Variants in NOS1AP observed in about 807,000 individuals in gnomAD.
The protein encoded by NOS1AP is nitric oxide synthase 1 adaptor protein.
In NOS1AP, 21 loss-of-function variants were observed where a neutral mutation model predicts 56.2. The ratio of observed to expected loss-of-function variants is 0.37; its 90% confidence interval spans 0.26 to 0.54. The LOEUF (loss-of-function observed/expected upper bound fraction) is 0.54, where lower values mean the gene tolerates loss of function less well. NOS1AP is among the 20% of genes least tolerant of loss of function. The probability of loss-of-function intolerance (pLI) is 0.84; values close to 1 mark genes in which losing one functional copy is unlikely to be tolerated. For missense variants in NOS1AP, 522 were observed against 657.8 expected (o/e 0.79, Z 2.26); for synonymous variants, 270 against 274.6 (o/e 0.98, Z 0.17).
At chr1:162,344,093 T>A in intron 6 of NOS1AP, 117 bp downstream of exon 6, 1 of 1,116,520 alleles carries the variant, frequency 9.0e-7, no homozygotes, top group Non-Finnish European at 1.3e-6. Context: ...TTTTATTTTT[T>A]CCGTTTCTCT....
chr1:162,251,253 C>T (rs142129081), intron 2 of NOS1AP, among the ~76,000 whole-genome samples: 3 of 152,152 alleles, frequency 2.0e-5, no homozygotes, highest in African/African-American at 4.8e-5. Flanking sequence ...CAATCCTGCT[C>T]TCCCACTAGG....
intron 1 of NOS1AP, among the ~76,000 whole-genome samples, chr1:162,071,716 G>T (rs1487643581): frequency 6.6e-6 from 1 of 152,046 alleles, no homozygotes; most frequent in Non-Finnish European, 1.5e-5. Flanking sequence ...GGGATGCTTG[G>T]GTTAATTTTT....
chr1:162,322,993 A>G (rs1274623501), intron 4 of NOS1AP, among the ~76,000 whole-genome samples: 3 of 152,224 alleles, frequency 2.0e-5, no homozygotes, highest in Admixed American at 6.5e-5. Context: ...TAGTGAGTTG[A>G]AATATGTCCC....
rs1226902031 is a variant in NOS1AP, at chr1:162,155,344, G to GTGTATATA, written c.177+874_177+881dup. Among the ~76,000 whole-genome samples the GTGTATATA allele has an allele frequency of 9.5e-4, 129 of 135,732 alleles. 1 individual carries two copies. Among genetic ancestry groups the GTGTATATA allele is most frequent in the African/African-American group, 3.1e-3 (113 of 36,586 alleles). The allele number at this position is 135,732 out of a possible 152,430, so 89.0% of individuals were successfully genotyped here. ...TATGTATGTGTATATGTATGTATGTGTGTATATATGTATGTGTATATATAT... is the reference window on the plus strand; with the variant it reads ...TATGTATGTGTATATGTATGTATGTGTGTATATATGTATATATGTATGTGTATATATAT... On this transcript the variant is annotated intron_variant, in intron 2 of 9. Coordinates refer to ENST00000361897, the MANE Select transcript of NOS1AP (RefSeq NM_014697.3).
intron 2 of NOS1AP, among the ~76,000 whole-genome samples, chr1:162,194,053 C>A (rs1651724787): frequency 6.6e-6 from 1 of 152,142 alleles, no homozygotes; most frequent in Non-Finnish European, 1.5e-5. Context: ...CAGATATACA[C>A]ACTCTGCTTG....
intron 1 of NOS1AP, among the ~76,000 whole-genome samples, chr1:162,122,908 A>G (rs1453928486): frequency 6.6e-6 from 1 of 152,016 alleles, no homozygotes; most frequent in Non-Finnish European, 1.5e-5. Flanking sequence ...ATATTATGTA[A>G]ATGTAATTAT....
intron 5 of NOS1AP, among the ~76,000 whole-genome samples, chr1:162,341,658 G>T (rs979081879): frequency 6.6e-5 from 10 of 152,186 alleles, no homozygotes; most frequent in African/African-American, 2.4e-4. Flanking sequence ...TCATACCTAA[G>T]GTTTAGTAAA....
At chr1:162,224,398 T>C (rs1315692268) in intron 2 of NOS1AP, among the ~76,000 whole-genome samples, 4 of 152,196 alleles carry the variant, frequency 2.6e-5, no homozygotes, top group Non-Finnish European at 5.9e-5. Flanking sequence ...ATTACCTTGG[T>C]TAAAACAATA....
At chr1:162,144,466 T>A (rs892846881) in intron 1 of NOS1AP, among the ~76,000 whole-genome samples, 1 of 152,272 alleles carries the variant, frequency 6.6e-6, no homozygotes, top group African/African-American at 2.4e-5. Context: ...TCTGGTGTTC[T>A]TTGTTCACCT....
chr1:162,127,839 C>G (rs1362395818), intron 1 of NOS1AP, among the ~76,000 whole-genome samples: 1 of 152,184 alleles, frequency 6.6e-6, no homozygotes, highest in Non-Finnish European at 1.5e-5. Flanking sequence ...ACCTCCAACA[C>G]TGGGGATTAC....
chr1:162,232,477 GTTCT>G (rs199647913), intron 2 of NOS1AP, among the ~76,000 whole-genome samples: 2,540 of 152,248 alleles, frequency 0.017, 38 homozygotes, highest in Middle Eastern at 0.034. Flanking sequence ...CAAAGTGGAA[GTTCT>G]TTCTTTTCCT....
chr1:162,310,409 C>A (rs1210924740), intron 4 of NOS1AP, among the ~76,000 whole-genome samples: 12 of 152,236 alleles, frequency 7.9e-5, no homozygotes, highest in African/African-American at 2.9e-4. Flanking sequence ...GGAAACTGAT[C>A]ATCAGGGATG....
intron 2 of NOS1AP, among the ~76,000 whole-genome samples, chr1:162,234,333 A>G (rs912250591): frequency 6.6e-6 from 1 of 152,324 alleles, no homozygotes. Context: ...CATAGAGTGC[A>G]TTGAGGACCA....
intron 2 of NOS1AP, among the ~76,000 whole-genome samples, chr1:162,247,933 T>G (rs1471646870): frequency 1.3e-5 from 2 of 152,166 alleles, no homozygotes; most frequent in African/African-American, 4.8e-5. Flanking sequence ...TGCCAACTTT[T>G]CAAACAGAGC....
intron 9 of NOS1AP, 56 bp from the exon 10 acceptor site, chr1:162,366,996 C>T (rs1658108400): frequency 9.3e-6 from 15 of 1,608,092 alleles, no homozygotes; most frequent in Non-Finnish European, 1.3e-5. Context: ...GCGGGCATCC[C>T]AAATCAACAA....
intron 2 of NOS1AP, among the ~76,000 whole-genome samples, chr1:162,216,529 T>C (rs1652572773): frequency 6.6e-6 from 1 of 152,230 alleles, no homozygotes; most frequent in Admixed American, 6.5e-5. Flanking sequence ...GCTTTGCCTC[T>C]GAGTCCTGCT....
At chr1:162,226,591 TAA>T (rs1652947923) in intron 2 of NOS1AP, among the ~76,000 whole-genome samples, 1 of 152,130 alleles carries the variant, frequency 6.6e-6, no homozygotes. Context: ...CCTAACAGAG[TAA>T]CCTGATTTAA....
chr1:162,112,590 GA>G (rs1345564104), intron 1 of NOS1AP, among the ~76,000 whole-genome samples: 1 of 152,192 alleles, frequency 6.6e-6, no homozygotes, highest in Non-Finnish European at 1.5e-5. Flanking sequence ...AACATATTTG[GA>G]CTTTTAGACA....
chr1:162,343,456 G>A (rs1215331379), intron 5 of NOS1AP, among the ~76,000 whole-genome samples: 3 of 152,156 alleles, frequency 2.0e-5, no homozygotes, highest in African/African-American at 7.2e-5. Flanking sequence ...ATTTGCAGCA[G>A]CATTCAAAAA....
Sources: gnomAD v4.1 joint callset for allele counts (sites outside exome capture counted in the v4.1 genomes callset) on GRCh38, gnomAD v4.1.1 for gene constraint, MANE v1.5 for transcripts, NCBI Gene and HGNC (gene_info 2026-07-23, HGNC 2026-07-21) for gene names.